The following B3GALT1 variants were observed in gnomAD, a reference collection of about 807,000 sequenced individuals.
B3GALT1 encodes the protein beta-1,3-galactosyltransferase 1.
B3GALT1 carries 10 observed loss-of-function variants against 23.2 expected under a neutral mutation model. The ratio of observed to expected loss-of-function variants is 0.43; its 90% CI spans 0.27 to 0.73. B3GALT1 has a LOEUF of 0.73. B3GALT1 is among the 30% of genes least tolerant of loss of function. The probability of loss-of-function intolerance (pLI) is 0.21; values close to 1 mark genes in which losing one functional copy is unlikely to be tolerated. For synonymous variants in B3GALT1, 156 were observed against 141.5 expected (o/e 1.10, Z -0.73); for missense variants, 299 against 405.4 (o/e 0.74, Z 2.25).
chr2:167,486,169 G>A (rs1485659269), intron 1 of B3GALT1, among the ~76,000 whole-genome samples: 1 of 152,036 alleles, frequency 6.6e-6, no homozygotes, highest in African/African-American at 2.4e-5. Context: ...GACCATCCTG[G>A]CCAACATGGT....
intron 3 of B3GALT1, among the ~76,000 whole-genome samples, chr2:167,712,213 A>G (rs1161177843): frequency 6.6e-6 from 1 of 152,198 alleles, no homozygotes; most frequent in Non-Finnish European, 1.5e-5. Flanking sequence ...TATATGGTCC[A>G]GAACCTGGAT....
intron 1 of B3GALT1, among the ~76,000 whole-genome samples, chr2:167,426,797 G>A (rs1285160831): frequency 2.0e-5 from 3 of 152,126 alleles, no homozygotes; most frequent in Non-Finnish European, 4.4e-5. Context: ...AAACCACTCC[G>A]CAAAATGATG....
chr2:167,440,702 G>T (rs183772765), intron 1 of B3GALT1, among the ~76,000 whole-genome samples: 4 of 151,146 alleles, frequency 2.6e-5, no homozygotes, highest in African/African-American at 9.7e-5. Context: ...TTTCCTCTCT[G>T]TTGGTTCTGT....
intron 1 of B3GALT1, among the ~76,000 whole-genome samples, chr2:167,347,907 G>A (rs1697250009): frequency 6.6e-6 from 1 of 152,144 alleles, no homozygotes; most frequent in African/African-American, 2.4e-5. Flanking sequence ...TCAGCATCAA[G>A]TTTACCTTTA....
intron 2 of B3GALT1, among the ~76,000 whole-genome samples, chr2:167,643,173 A>T (rs1328838863): frequency 6.6e-6 from 1 of 152,222 alleles, no homozygotes; most frequent in African/African-American, 2.4e-5. Flanking sequence ...TACAAAGAAA[A>T]GATAAAACGT....
intron 1 of B3GALT1, among the ~76,000 whole-genome samples, chr2:167,394,722 A>G (rs1056355924): frequency 1.3e-5 from 2 of 152,192 alleles, no homozygotes; most frequent in Non-Finnish European, 2.9e-5. Flanking sequence ...GAAGGTGGAA[A>G]TGAAGTGTTT....
chr2:167,460,637 A>G (rs1699245501), intron 1 of B3GALT1, among the ~76,000 whole-genome samples: 1 of 151,650 alleles, frequency 6.6e-6, no homozygotes, highest in Non-Finnish European at 1.5e-5. Flanking sequence ...TTTCCTTTGA[A>G]TGTGCCATAC....
intron 3 of B3GALT1, among the ~76,000 whole-genome samples, chr2:167,739,004 A>G (rs1303272172): frequency 6.6e-6 from 1 of 152,146 alleles, no homozygotes; most frequent in Non-Finnish European, 1.5e-5. Flanking sequence ...CTGTCTCCCT[A>G]TGCTACACCT....
intron 4 of B3GALT1, among the ~76,000 whole-genome samples, chr2:167,839,601 G>C (rs1187232483): frequency 6.6e-6 from 1 of 152,244 alleles, no homozygotes; most frequent in South Asian, 2.1e-4. Context: ...TGGCCATACT[G>C]CCCAAGGTAA....
chr2:167,834,649 G>A (rs1162149385), intron 4 of B3GALT1, among the ~76,000 whole-genome samples: 3 of 152,152 alleles, frequency 2.0e-5, no homozygotes, highest in African/African-American at 7.2e-5. Context: ...AGGAATTTGA[G>A]ACCAGCCTGG....
At chr2:167,822,123 T>C (rs1315667747) in intron 4 of B3GALT1, among the ~76,000 whole-genome samples, 1 of 152,144 alleles carries the variant, frequency 6.6e-6, no homozygotes, top group Non-Finnish European at 1.5e-5. Flanking sequence ...CCCTGCTTTT[T>C]CCTCTTTATT....
chr2:167,800,743 C>T (rs987286583), intron 3 of B3GALT1, among the ~76,000 whole-genome samples: 2 of 152,148 alleles, frequency 1.3e-5, no homozygotes, highest in Admixed American at 1.3e-4. Context: ...TCTGTTGATC[C>T]TTGTCTCTGT....
chr2:167,350,960 A>G (rs1697299528), intron 1 of B3GALT1, among the ~76,000 whole-genome samples: 2 of 152,064 alleles, frequency 1.3e-5, no homozygotes, highest in Admixed American at 1.3e-4. Flanking sequence ...GCACTACCTG[A>G]CCACCTGGTG....
intron 2 of B3GALT1, among the ~76,000 whole-genome samples, chr2:167,531,355 G>C (rs901489985): frequency 6.6e-6 from 1 of 152,100 alleles, no homozygotes; most frequent in Non-Finnish European, 1.5e-5. Flanking sequence ...TTAAATGAAG[G>C]ACGGGACTTC....
intron 3 of B3GALT1, among the ~76,000 whole-genome samples, chr2:167,696,561 T>A (rs905669327): frequency 6.6e-6 from 1 of 152,146 alleles, no homozygotes; most frequent in African/African-American, 2.4e-5. Context: ...TCCTATGTAG[T>A]GTTACTCTCT....
At chr2:167,644,574 A>C (rs1228531058) in intron 2 of B3GALT1, among the ~76,000 whole-genome samples, 1 of 151,930 alleles carries the variant, frequency 6.6e-6, no homozygotes, top group Non-Finnish European at 1.5e-5. Context: ...AGGTCAGGAG[A>C]TCGAGACCAT....
intron 3 of B3GALT1, among the ~76,000 whole-genome samples, chr2:167,664,108 G>A (rs915462085): frequency 6.6e-6 from 1 of 150,828 alleles, no homozygotes; most frequent in African/African-American, 2.5e-5. Flanking sequence ...TAACGTTTAA[G>A]TCTTTAATCC....
At chr2:167,435,335 TA>T (rs1405519141) in intron 1 of B3GALT1, among the ~76,000 whole-genome samples, 3 of 145,252 alleles carry the variant, frequency 2.1e-5, no homozygotes, top group Non-Finnish European at 4.5e-5. Flanking sequence ...TTTTCTGTTC[TA>T]TATAAGAACA....
At position 167,809,931 on chromosome 2, in the gene B3GALT1, C is replaced by T. The variant is rs187270117; in HGVS notation, c.-351-8741C>T. Among the ~76,000 whole-genome samples, 378 of 152,310 alleles carry T rather than the reference C, an allele frequency of 2.5e-3. 4 individuals are homozygous for T. Among genetic ancestry groups the T allele is most frequent in the South Asian group, 0.012 (59 of 4,824 alleles). Reference sequence around the variant, plus strand: ...CCTCCTTGAGCTGTGGTGGGCTCCACCCAGTTCGAGCTTCCTGGCTGCTTT... The same window carrying T: ...CCTCCTTGAGCTGTGGTGGGCTCCATCCAGTTCGAGCTTCCTGGCTGCTTT... On this transcript the variant is annotated intron_variant, in intron 3 of 4. Transcript: ENST00000392690.
Sources: allele counts gnomAD v4.1 joint callset (sites outside exome capture counted in the v4.1 genomes callset), GRCh38; gene constraint gnomAD v4.1.1; transcripts MANE v1.5; gene names NCBI Gene and HGNC (gene_info 2026-07-23, HGNC 2026-07-21).